Variants in SH3GL3 observed in about 807,000 individuals in gnomAD.
SH3GL3 encodes endophilin-A3.
SH3GL3 carries 33 observed loss-of-function variants against 47.7 expected under a neutral mutation model. That is an observed-to-expected ratio of 0.69 (90% CI 0.52 to 0.92). The LOEUF (loss-of-function observed/expected upper bound fraction) is 0.92, where lower values mean the gene tolerates loss of function less well. Among genes scored for constraint, SH3GL3 ranks in the 40% least tolerant of loss-of-function variants. The probability of loss-of-function intolerance (pLI) is 0.00; values close to 1 mark genes in which losing one functional copy is unlikely to be tolerated. For synonymous variants in SH3GL3, 155 were observed against 148.8 expected, an observed-to-expected ratio of 1.04 and a Z score of -0.30; for missense variants, 363 against 417.8, an observed-to-expected ratio of 0.87 and a Z score of 1.14.
chr15:83,460,722 G>A (rs888039303), intron 1 of SH3GL3, among the ~76,000 whole-genome samples: 10 of 152,132 alleles, frequency 6.6e-5, no homozygotes, highest in African/African-American at 1.9e-4. Context: ...TAAAAACTAC[G>A]TAAACTGTAT....
At chr15:83,620,660 A>G (rs144998128), downstream of SH3GL3, among the ~76,000 whole-genome samples, 102 of 152,354 alleles carry the variant, frequency 6.7e-4, no homozygotes, top group African/African-American at 2.4e-3. Context: ...TGTTCCATTT[A>G]TAGAGCACAA....
intron 1 of SH3GL3, among the ~76,000 whole-genome samples, chr15:83,464,988 T>TATTATA (rs2040494548): frequency 7.1e-6 from 1 of 141,526 alleles, no homozygotes; most frequent in Non-Finnish European, 1.5e-5. Flanking sequence ...GAACTTAAAG[T>TATTATA]ATAATAATAA....
At chr15:83,486,675 G>A (rs1431967803) in intron 1 of SH3GL3, among the ~76,000 whole-genome samples, 2 of 152,056 alleles carry the variant, frequency 1.3e-5, no homozygotes, top group Non-Finnish European at 2.9e-5. Context: ...CTCCCTTTTG[G>A]TTATTGGGAA....
chr15:83,447,449 C>A lies in SH3GL3; in HGVS notation c.-85C>A. On this transcript the variant is annotated 5_prime_UTR_variant, in exon 1 of 9. Transcript: ENST00000427482. This position sits in a 1 kb window ranked among gnomAD's most constrained non-coding sequence, Gnocchi z 5.1. Reference sequence around the variant, plus strand: ...GGAGCCCAGCCGCGGGGGGACCGGCCCGGGCTCCCGCTCCCCGAGCGCGTC... The same window carrying A: ...GGAGCCCAGCCGCGGGGGGACCGGCACGGGCTCCCGCTCCCCGAGCGCGTC... The A allele has an allele frequency of 1.6e-6, 2 of 1,228,798 alleles. No homozygotes were observed. The highest frequency in any genetic ancestry group is 2.1e-6 in the Non-Finnish European group (2 of 944,060). 76.1% of individuals were successfully genotyped at this position (1,228,798 alleles called of 1,614,324 possible).
intron 8 of SH3GL3, among the ~76,000 whole-genome samples, chr15:83,597,408 G>A (rs370598228): frequency 2.8e-4 from 43 of 151,968 alleles, no homozygotes; most frequent in Non-Finnish European, 5.6e-4. Context: ...ATTCCCTTTC[G>A]CTGTGTAAGG....
chr15:83,589,463 ACCT>A (rs934803678), intron 8 of SH3GL3, among the ~76,000 whole-genome samples: 2 of 151,928 alleles, frequency 1.3e-5, no homozygotes, highest in African/African-American at 4.8e-5. Context: ...TGCAGCCTTG[ACCT>A]CCTGGGCTCA....
At chr15:83,491,930 C>G (rs2041889820) in intron 1 of SH3GL3, among the ~76,000 whole-genome samples, 1 of 152,198 alleles carries the variant, frequency 6.6e-6, no homozygotes, top group African/African-American at 2.4e-5. Context: ...AGGACACAGA[C>G]TTACCTGTAG....
At chr15:83,570,792 T>G in intron 4 of SH3GL3, among the ~76,000 whole-genome samples, 1 of 152,234 alleles carries the variant, frequency 6.6e-6, no homozygotes, top group East Asian at 1.9e-4. Flanking sequence ...ATATTATCCC[T>G]CAGAGCAGTA....
chr15:83,520,411 A>G (rs1405284075), intron 1 of SH3GL3, among the ~76,000 whole-genome samples: 1 of 152,210 alleles, frequency 6.6e-6, no homozygotes, highest in Non-Finnish European at 1.5e-5. Context: ...CCTAAGGTGT[A>G]ATCCACCTGT....
chr15:83,586,205 G>A (rs1468032733), intron 6 of SH3GL3, among the ~76,000 whole-genome samples: 1 of 152,166 alleles, frequency 6.6e-6, no homozygotes, highest in East Asian at 1.9e-4. Flanking sequence ...TCCTGTAGCA[G>A]CCCCTCAGAC....
intron 3 of SH3GL3, among the ~76,000 whole-genome samples, chr15:83,567,410 G>A (rs1481867125): frequency 2.0e-5 from 3 of 152,186 alleles, no homozygotes; most frequent in African/African-American, 7.2e-5. Context: ...GGCAAAGCCT[G>A]TCTCTGGAGT....
chr15:83,517,053 A>AT (rs2043006497), intron 1 of SH3GL3, among the ~76,000 whole-genome samples: 1 of 151,948 alleles, frequency 6.6e-6, no homozygotes, highest in African/African-American at 2.4e-5. Flanking sequence ...GTTTTTGGCT[A>AT]TTACAAATAT....
At chr15:83,481,572 C>T (rs182838417) in intron 1 of SH3GL3, among the ~76,000 whole-genome samples, 48 of 152,264 alleles carry the variant, frequency 3.2e-4, no homozygotes, top group Non-Finnish European at 4.9e-4. Flanking sequence ...TTCTTAAGAG[C>T]TGAAATTTCA....
At chr15:83,559,226 T>A in intron 1 of SH3GL3, 27 bp from the exon 2 acceptor site, 1 of 1,247,846 alleles carries the variant, frequency 8.0e-7, no homozygotes. Flanking sequence ...CATTGTACAA[T>A]GCAATTATTT....
chr15:83,571,165 C>T (rs1263695191), intron 4 of SH3GL3, among the ~76,000 whole-genome samples: 2 of 152,194 alleles, frequency 1.3e-5, no homozygotes, highest in Non-Finnish European at 2.9e-5. Flanking sequence ...GCCCCACACC[C>T]GTGGAATTCG....
intron 2 of SH3GL3, among the ~76,000 whole-genome samples, chr15:83,564,044 G>T (rs533693017): frequency 1.3e-5 from 2 of 152,010 alleles, no homozygotes; most frequent in Non-Finnish European, 2.9e-5. Context: ...AAGTTTTTAC[G>T]GAGTCAGAAT....
intron 1 of SH3GL3, among the ~76,000 whole-genome samples, chr15:83,546,480 G>A (rs1308459942): frequency 6.6e-6 from 1 of 152,006 alleles, no homozygotes; most frequent in Non-Finnish European, 1.5e-5. Flanking sequence ...AGGAGCTAAG[G>A]CCTGGAACTG....
chr15:83,557,266 T>C (rs1428062474), intron 1 of SH3GL3, among the ~76,000 whole-genome samples: 2 of 152,200 alleles, frequency 1.3e-5, no homozygotes, highest in African/African-American at 4.8e-5. Context: ...TGTTGGATGA[T>C]TTCACTACTG....
intron 1 of SH3GL3, among the ~76,000 whole-genome samples, chr15:83,475,525 C>G (rs972147270): frequency 2.0e-5 from 3 of 152,088 alleles, no homozygotes; most frequent in Non-Finnish European, 1.5e-5. Context: ...AAAAAGTTAA[C>G]TAGCATTCCT....
Sources: allele counts gnomAD v4.1 joint callset (sites outside exome capture counted in the v4.1 genomes callset), GRCh38; gene constraint gnomAD v4.1.1; non-coding constraint Gnocchi (gnomAD v3.1); transcripts MANE v1.5; gene names NCBI Gene and HGNC (gene_info 2026-07-23, HGNC 2026-07-21).